PDS5A: variants seen among roughly 807,000 people sequenced by gnomAD.
PDS5A encodes PDS5 cohesin associated factor A.
Under a neutral mutation model 167.1 loss-of-function variants are expected in PDS5A, and 42 were observed. The ratio of observed to expected loss-of-function variants is 0.25; its 90% confidence interval spans 0.20 to 0.33. PDS5A has a LOEUF of 0.33. Ranked by LOEUF, PDS5A falls within the 10% of genes least tolerant of loss-of-function variation. The pLI is 1.00. For synonymous variants in PDS5A, 553 were observed against 554.6 expected, an observed-to-expected ratio of 1.00 and a Z score of 0.04; for missense variants, 1,033 against 1,605.9, an observed-to-expected ratio of 0.64 and a Z score of 6.10.
At chr4:39,899,233 G>C (rs932921035) in intron 14 of PDS5A, among the ~76,000 whole-genome samples, 1 of 152,034 alleles carries the variant, frequency 6.6e-6, no homozygotes, top group African/African-American at 2.4e-5. Context: ...TTCTGCAATA[G>C]AGTTCTGTTA....
chr4:39,841,031 A>C lies in PDS5A; in HGVS notation c.3657+917T>G, dbSNP rs1428282464. Reference sequence around the variant, plus strand: ...TTTGCCTCCCAAAGTGCACGATTACAGGTGTAAGTTACTGCACCCAGCCAA... The same window carrying C: ...TTTGCCTCCCAAAGTGCACGATTACCGGTGTAAGTTACTGCACCCAGCCAA... On this transcript the variant is annotated intron_variant, in intron 31 of 32. Coordinates refer to ENST00000303538, the MANE Select transcript of PDS5A (RefSeq NM_001100399.2). Among the ~76,000 whole-genome samples, 2 of 133,798 alleles carry C rather than the reference A, an allele frequency of 1.5e-5. 1 individual carries two copies. 87.8% of individuals were successfully genotyped at this position (133,798 alleles called of 152,430 possible). A position where few individuals can be genotyped will look rare whatever the true frequency, so the allele number is the denominator to read the frequency against.
intron 2 of PDS5A, among the ~76,000 whole-genome samples, chr4:39,954,000 C>A (rs1002826038): frequency 6.6e-6 from 1 of 151,990 alleles, no homozygotes; most frequent in African/African-American, 2.4e-5. Flanking sequence ...AAAAACAAAA[C>A]AAAACCCAAT....
chr4:39,848,525 T>C (rs1237916099), intron 28 of PDS5A: 1 of 294,912 alleles, frequency 3.4e-6, no homozygotes, highest in Non-Finnish European at 6.4e-6. Flanking sequence ...TGTCCCTCCT[T>C]ACACTGTGCC....
rs559944510 is a variant in PDS5A, at chr4:39,832,575, G to A, written c.4010+5281C>T. Among the ~76,000 whole-genome samples the A allele has an allele frequency of 3.9e-5, 6 of 152,140 alleles. No homozygotes were observed. The South Asian group carries it at 1.2e-3, about 32-fold the overall frequency. ...TATGTCTGATCAGGATCTAGTTTGA[G>A]GCACTGAAAATATTTGAGAAGTTTG... On this transcript the variant is annotated intron_variant, in intron 32 of 32. Coordinates refer to ENST00000303538, the MANE Select transcript of PDS5A (RefSeq NM_001100399.2).
At chr4:39,882,759 C>T (rs1311765479) in intron 17 of PDS5A, among the ~76,000 whole-genome samples, 1 of 152,092 alleles carries the variant, frequency 6.6e-6, no homozygotes, top group African/African-American at 2.4e-5. Context: ...GTCTTCAAAC[C>T]AGGTTCACAG....
rs1486329731 is a variant in PDS5A, at chr4:39,901,273, T to C, written c.1500-766A>G. 2.3e-5 allele frequency among the ~76,000 whole-genome samples: 3 copies of C among 132,904 alleles called. No homozygotes were observed. The South Asian group carries it at 7.0e-4, about 31-fold the overall frequency. The allele number at this position is 132,904 out of a possible 152,430, so 87.2% of individuals were successfully genotyped here. A position where few individuals can be genotyped will look rare whatever the true frequency, so the allele number is the denominator to read the frequency against. ...TCTTTTTTTCTTTTCTTTCTTTTTTTTTTTTTTTTTTTTGAGACAAGTCTC... is the reference window on the plus strand; with the variant it reads ...TCTTTTTTTCTTTTCTTTCTTTTTTCTTTTTTTTTTTTTGAGACAAGTCTC... On this transcript the variant is annotated intron_variant, in intron 13 of 32. Coordinates refer to ENST00000303538, the MANE Select transcript of PDS5A (RefSeq NM_001100399.2).
At chr4:39,921,051 TCAAA>T (rs1423287840) in intron 6 of PDS5A, among the ~76,000 whole-genome samples, 1 of 152,172 alleles carries the variant, frequency 6.6e-6, no homozygotes, top group Admixed American at 6.6e-5. Context: ...AAGTTTTGGA[TCAAA>T]CAGATTCATT....
intron 4 of PDS5A, among the ~76,000 whole-genome samples, chr4:39,926,162 G>T (rs987825472): frequency 1.1e-4 from 16 of 152,038 alleles, no homozygotes; most frequent in African/African-American, 3.9e-4. Context: ...TAAGTTGGTA[G>T]ATATATTTCC....
intron 2 of PDS5A, among the ~76,000 whole-genome samples, chr4:39,971,873 A>C (rs1432849475): frequency 1.3e-5 from 2 of 152,234 alleles, no homozygotes; most frequent in Non-Finnish European, 2.9e-5. Flanking sequence ...AAAAAACAAA[A>C]TTTCAAAAAT....
chr4:39,915,343 ATTTTT>A (rs3070904), intron 8 of PDS5A, among the ~76,000 whole-genome samples: 3 of 88,722 alleles, frequency 3.4e-5, no homozygotes, highest in South Asian at 4.4e-4. Flanking sequence ...AACCGGCCTG[ATTTTT>A]TTTTTTTTTT....
intron 7 of PDS5A, among the ~76,000 whole-genome samples, 197 bp downstream of exon 7, chr4:39,920,122 G>A (rs1047771818): frequency 4.6e-5 from 7 of 152,052 alleles, no homozygotes; most frequent in East Asian, 1.9e-4. Flanking sequence ...AGTTGCAGAC[G>A]ACTTTTCTTA....
Position 39,845,880 on chromosome 4 carries a change from C to G in PDS5A, c.3340G>C (p.Asp1114His). 7.5e-7 allele frequency: 1 copy of G among 1,330,000 alleles called. No homozygotes were observed. Among genetic ancestry groups the G allele is most frequent in the Non-Finnish European group, 9.8e-7 (1 of 1,025,474 alleles). 82.4% of individuals were successfully genotyped at this position (1,330,000 alleles called of 1,614,324 possible). A position where few individuals can be genotyped will look rare whatever the true frequency, so the allele number is the denominator to read the frequency against. Reference sequence around the variant, plus strand: ...ATATAACTCTTATCGTTACAGAAGTCCTATTAAAAAAAAAAAAGAAAAAGA... The same window carrying G: ...ATATAACTCTTATCGTTACAGAAGTGCTATTAAAAAAAAAAAAGAAAAAGA... ...PMKFFTQPEK[D>H]FCNDKSYISE... Residue 1114 changes from aspartate (D) to histidine (H), a missense_variant and splice_region_variant, in exon 29 of 33, where the codon GAC (aspartate) becomes CAC (histidine). Physicochemically the swap from Asp to His is moderately conservative, Grantham distance 81. Transcript: ENST00000303538.
At position 39,922,752 on chromosome 4, in the gene PDS5A, T is replaced by TTA. The variant is rs1553902607; in HGVS notation, c.528-5_528-4insTA. Reference sequence around the variant, plus strand: ...TACCTTCTTATTGTGGCTATTGCTATAAAAAAAAAAAAAAAAGAATAAGTA... The same window carrying TTA: ...TACCTTCTTATTGTGGCTATTGCTATTAAAAAAAAAAAAAAAAAGAATAAGTA... On this transcript the variant is annotated splice_polypyrimidine_tract_variant and splice_region_variant and intron_variant, in intron 5 of 32. Coordinates refer to ENST00000303538, the MANE Select transcript of PDS5A (RefSeq NM_001100399.2). 2.3e-5 allele frequency: 29 copies of TTA among 1,238,510 alleles called. No individual in the cohort carries two copies. The highest frequency in any genetic ancestry group is 3.5e-5 in the Admixed American group (1 of 28,622). The allele number at this position is 1,238,510 out of a possible 1,614,324, so 76.7% of individuals were successfully genotyped here. A position where few individuals can be genotyped will look rare whatever the true frequency, so the allele number is the denominator to read the frequency against.
chr4:39,901,266 CTTTTTTTTTTTTT>C, intron 13 of PDS5A, among the ~76,000 whole-genome samples: 1 of 121,290 alleles, frequency 8.2e-6, no homozygotes. Flanking sequence ...TCTTTTCTTT[CTTTTTTTTTTTTT>C]TTTTTTTGAG....
chr4:39,901,692 G>C (rs1309195569), intron 13 of PDS5A, among the ~76,000 whole-genome samples: 1 of 152,106 alleles, frequency 6.6e-6, no homozygotes, highest in Non-Finnish European at 1.5e-5. Flanking sequence ...CATTGCCCAG[G>C]ATGGTCAAGC....
At chr4:39,924,579 T>G (rs1049267991) in intron 5 of PDS5A, among the ~76,000 whole-genome samples, 3 of 152,236 alleles carry the variant, frequency 2.0e-5, no homozygotes, top group Non-Finnish European at 4.4e-5. Flanking sequence ...AATGTGCTGT[T>G]CAATATGCAA....
chr4:39,830,246 G>A (rs563520783), intron 32 of PDS5A, among the ~76,000 whole-genome samples: 101 of 152,280 alleles, frequency 6.6e-4, no homozygotes, highest in Non-Finnish European at 1.2e-3. Context: ...CTGGAGTACA[G>A]TGGCACTATC....
chr4:39,952,552 T>C (rs1008846903), intron 2 of PDS5A, among the ~76,000 whole-genome samples: 1 of 152,096 alleles, frequency 6.6e-6, no homozygotes, highest in African/African-American at 2.4e-5. Flanking sequence ...CTTTCTATCC[T>C]ATCACTCAGG....
chr4:39,890,293 C>G lies in PDS5A; in HGVS notation c.1842G>C (p.Leu614=). ...TNPFLEMVKF[L]LERIAPVHID... ...TGTGCACAGGTGCGATTCTTTCCAA[C>G]AGAAATTTGACCATCTCTAGAAAAG... is the stretch of plus-strand genomic sequence containing the variant. The change falls in exon 17 of 33, where the codon CTG becomes CTC. Residue 614 remains leucine (L), a synonymous_variant. Transcript: ENST00000303538. 1 of 1,583,256 alleles carries G rather than the reference C, an allele frequency of 6.3e-7. No homozygotes were observed. Among genetic ancestry groups the G allele is most frequent in the Non-Finnish European group, 8.6e-7 (1 of 1,163,080 alleles).
Sources: gnomAD v4.1 joint callset for allele counts (sites outside exome capture counted in the v4.1 genomes callset) on GRCh38, gnomAD v4.1.1 for gene constraint, MANE v1.5 for transcripts, NCBI Gene and HGNC (gene_info 2026-07-23, HGNC 2026-07-21) for gene names.